Variants in NRXN2 observed in about 807,000 individuals in gnomAD.
NRXN2 encodes neurexin 2, also known as neurexin-2-beta.
In NRXN2, 29 loss-of-function variants were observed where a neutral mutation model predicts 128.8. The ratio of observed to expected loss-of-function variants is 0.23; its 90% CI spans 0.17 to 0.31. The LOEUF (loss-of-function observed/expected upper bound fraction) is 0.31, where lower values mean the gene tolerates loss of function less well. NRXN2 is among the 10% of genes least tolerant of loss of function. The probability of loss-of-function intolerance (pLI) is 1.00; values close to 1 mark genes in which losing one functional copy is unlikely to be tolerated. For synonymous variants in NRXN2, 1,098 were observed against 1,075.2 expected (o/e 1.02, Z -0.41); for missense variants, 1,881 against 2,452.6 (o/e 0.77, Z 4.92).
intron 2 of NRXN2, among the ~76,000 whole-genome samples, chr11:64,708,585 G>A (rs2056574466): frequency 1.3e-5 from 2 of 152,316 alleles, no homozygotes; most frequent in East Asian, 3.9e-4. Context: ...GAGAGAGAGA[G>A]AAAATGCAAA....
chr11:64,625,882 C>G (rs560009005), intron 20 of NRXN2, among the ~76,000 whole-genome samples: 5 of 152,312 alleles, frequency 3.3e-5, no homozygotes, highest in African/African-American at 1.2e-4. Context: ...CTGGACTAAC[C>G]TGGGCTTGTT....
intron 9 of NRXN2, among the ~76,000 whole-genome samples, chr11:64,661,981 G>A (rs2135490349): frequency 6.6e-6 from 1 of 152,102 alleles, no homozygotes; most frequent in South Asian, 2.1e-4. Context: ...GGCCGGGCAT[G>A]GTGGTTCACG....
intron 2 of NRXN2, among the ~76,000 whole-genome samples, chr11:64,699,629 T>C (rs1436291064): frequency 2.6e-5 from 4 of 152,118 alleles, no homozygotes; most frequent in Non-Finnish European, 5.9e-5. Context: ...GTCAGGCTAG[T>C]CTCGAACTCC....
intron 19 of NRXN2, among the ~76,000 whole-genome samples, chr11:64,628,757 C>A (rs2043435213): frequency 6.6e-6 from 1 of 152,216 alleles, no homozygotes; most frequent in East Asian, 1.9e-4. Context: ...GGAATCATGC[C>A]TACACAGCCA....
At chr11:64,716,853 G>A (rs976329840) in intron 1 of NRXN2, among the ~76,000 whole-genome samples, 100 of 152,170 alleles carry the variant, frequency 6.6e-4, no homozygotes, top group African/African-American at 2.3e-3. Flanking sequence ...GTCCCAGGAG[G>A]AGTGAGCCAG....
At chr11:64,701,392 C>T (rs905397920) in intron 2 of NRXN2, among the ~76,000 whole-genome samples, 25 of 152,188 alleles carry the variant, frequency 1.6e-4, no homozygotes, top group Admixed American at 1.6e-3. Context: ...ATTTCTTGTG[C>T]TTGAAATACT....
rs1423560695 is a variant in NRXN2, at chr11:64,626,387, GGAAA to G, written c.3847+72_3847+75del. On this transcript the variant is annotated intron_variant, in intron 20 of 22. Transcript: ENST00000265459. Reference sequence around the variant, plus strand: ...TGGGCATTGGTGAAGGCACGGAGGGGGAAAGAGAGAGCTCTGCACCTTTAAGATA... The same window carrying G: ...TGGGCATTGGTGAAGGCACGGAGGGGGAGAGAGCTCTGCACCTTTAAGATA... The G allele has an allele frequency of 9.8e-6, 12 of 1,223,056 alleles. No homozygotes were observed. The Admixed American group carries it at 2.2e-4, about 23-fold the overall frequency. 75.8% of individuals were successfully genotyped at this position (1,223,056 alleles called of 1,614,324 possible).
rs753662936 is a variant in NRXN2, at chr11:64,661,159, A to G, written c.1799-20T>C. On this transcript the variant is annotated intron_variant, in intron 9 of 22. Coordinates refer to ENST00000265459, the MANE Select transcript of NRXN2 (RefSeq NM_015080.4). ...TGGAGCCTGGGAATCAAGGGAAGGC[A>G]GGATGGAGAAAAGCCACAGGCCAGA... is the stretch of plus-strand genomic sequence containing the variant. 5 of 1,613,238 alleles carry G rather than the reference A, an allele frequency of 3.1e-6. No homozygotes were observed. Among genetic ancestry groups the G allele is most frequent in the Non-Finnish European group, 4.2e-6 (5 of 1,180,008 alleles).
Position 64,648,707 on chromosome 11 carries a change from C to T in NRXN2, c.3283+27G>A, listed in dbSNP as rs1158532047. 6.2e-7 allele frequency: 1 copy of T among 1,612,480 alleles called. No individual in the cohort carries two copies. Among genetic ancestry groups the T allele is most frequent in the Non-Finnish European group, 8.5e-7 (1 of 1,179,852 alleles). ...GGCCATCCTGTAGCCAGTAGGGCCA[C>T]ACCTCACTCCTCCACCCTCCACTCA... On this transcript the variant is annotated intron_variant, in intron 16 of 22. Transcript: ENST00000265459. The surrounding 1 kb of genome is among the most constrained non-coding windows in gnomAD (Gnocchi z 4.1).
At chr11:64,640,721 G>A (rs1036773633) in intron 17 of NRXN2, among the ~76,000 whole-genome samples, 29 of 152,146 alleles carry the variant, frequency 1.9e-4, no homozygotes, top group Non-Finnish European at 5.9e-5. Flanking sequence ...GGAGGAAAGA[G>A]TTTGAAGGAA....
intron 9 of NRXN2, among the ~76,000 whole-genome samples, chr11:64,661,976 G>A (rs998025814): frequency 9.2e-5 from 14 of 152,082 alleles, no homozygotes; most frequent in African/African-American, 3.1e-4. Context: ...TGCTTGGCCG[G>A]GCATGGTGGT....
At chr11:64,708,280 G>A (rs929663184) in intron 2 of NRXN2, among the ~76,000 whole-genome samples, 10 of 152,062 alleles carry the variant, frequency 6.6e-5, no homozygotes, top group Non-Finnish European at 1.2e-4. Context: ...CACACATTAC[G>A]ACTAGTTTCC....
At chr11:64,620,403 G>A (rs770266931) in intron 21 of NRXN2, 31 bp from the exon 22 acceptor site, 42 of 1,530,396 alleles carry the variant, frequency 2.7e-5, no homozygotes, top group Non-Finnish European at 3.4e-5. Context: ...TGGGGAAAGA[G>A]AGGTTCCAGG....
At chr11:64,633,379 C>T (rs961389155) in intron 18 of NRXN2, among the ~76,000 whole-genome samples, 2 of 152,196 alleles carry the variant, frequency 1.3e-5, no homozygotes, top group African/African-American at 4.8e-5. Context: ...TCTCCTTCAA[C>T]CTCCAAACAT....
intron 9 of NRXN2, among the ~76,000 whole-genome samples, chr11:64,663,206 C>G (rs2049302741): frequency 6.6e-6 from 1 of 151,940 alleles, no homozygotes. Context: ...CCCATCTCTA[C>G]TAAAAATACA....
At position 64,631,296 on chromosome 11, in the gene NRXN2, AG is replaced by A. The variant is rs1252653319; in HGVS notation, c.3586-724del. ...AAGGGGATCGTGGGGGTTTCGGGGT[AG>A]GGGGTGGAGCTAGGGGCTGGGGAAG... On this transcript the variant is annotated intron_variant, in intron 18 of 22. Transcript: ENST00000265459. The surrounding 1 kb of genome is among the most constrained non-coding windows in gnomAD (Gnocchi z 4.8). Among the ~76,000 whole-genome samples, 2 of 55,054 alleles carry A rather than the reference AG, an allele frequency of 3.6e-5. No individual in the cohort carries two copies. Among genetic ancestry groups the A allele is most frequent in the African/African-American group, 7.1e-5 (1 of 14,166 alleles). The allele number at this position is 55,054 out of a possible 152,430, so 36.1% of individuals were successfully genotyped here.
intron 21 of NRXN2, among the ~76,000 whole-genome samples, chr11:64,621,712 G>C (rs2042374568): frequency 6.6e-6 from 1 of 152,226 alleles, no homozygotes; most frequent in Non-Finnish European, 1.5e-5. Context: ...AACAGCCATA[G>C]GCTGCCAGAC....
At position 64,677,044 on chromosome 11, in the gene NRXN2, C is replaced by G. The variant is rs1281159396; in HGVS notation, c.1153-7G>C. 5.0e-6 allele frequency: 8 copies of G among 1,586,906 alleles called. No homozygotes were observed. Among genetic ancestry groups the G allele is most frequent in the Non-Finnish European group, 6.8e-6 (8 of 1,168,798 alleles). On this transcript the variant is annotated splice_polypyrimidine_tract_variant and splice_region_variant and intron_variant, in intron 6 of 22. Coordinates refer to ENST00000265459, the MANE Select transcript of NRXN2 (RefSeq NM_015080.4). ...CGTGTCCAATCCCTGCGTGCTTCACCGGAGATATGGGGGGATGGGGAGGAG... is the reference window on the plus strand; with the variant it reads ...CGTGTCCAATCCCTGCGTGCTTCACGGGAGATATGGGGGGATGGGGAGGAG...
chr11:64,662,781 C>CA (rs905489109), intron 9 of NRXN2, among the ~76,000 whole-genome samples: 349 of 142,422 alleles, frequency 2.5e-3, no homozygotes, highest in Non-Finnish European at 3.2e-3. Flanking sequence ...GATTCTGTCT[C>CA]AAAAAAAAAA....
Sources: allele counts gnomAD v4.1 joint callset (sites outside exome capture counted in the v4.1 genomes callset), GRCh38; gene constraint gnomAD v4.1.1; non-coding constraint Gnocchi (gnomAD v3.1); transcripts MANE v1.5; gene names NCBI Gene and HGNC (gene_info 2026-07-23, HGNC 2026-07-21).